PRH1: variants seen among roughly 807,000 people sequenced by gnomAD.
The protein encoded by PRH1 is proline rich protein HaeIII subfamily 1.
In PRH1, 7 loss-of-function variants were observed where a neutral mutation model predicts 7.9. The ratio of observed to expected loss-of-function variants is 0.89; its 90% CI spans 0.50 to 1.67. The LOEUF is 1.67. Ranked by LOEUF, PRH1 falls within the 40% of genes most tolerant of loss-of-function variation. PRH1 has a pLI of 0.00. For synonymous variants in PRH1, 45 were observed against 80.8 expected (o/e 0.56, Z 2.38); for missense variants, 109 against 223.6 (o/e 0.49, Z 3.27).
At chr12:11,063,278 G>C (rs1293380514) in intron 1 of PRH1, among the ~76,000 whole-genome samples, 2 of 152,070 alleles carry the variant, frequency 1.3e-5, no homozygotes, top group Non-Finnish European at 2.9e-5. Context: ...CCTGAACTTG[G>C]AGTACAACCA....
chr12:11,114,277 T>C (rs1027802968), intron 1 of PRH1, among the ~76,000 whole-genome samples: 1 of 152,026 alleles, frequency 6.6e-6, no homozygotes, highest in African/African-American at 2.4e-5. Context: ...AAATATAGAC[T>C]GTATAAAGAA....
At chr12:11,001,743 C>G (rs1045846737) in intron 1 of PRH1, among the ~76,000 whole-genome samples, 1 of 152,102 alleles carries the variant, frequency 6.6e-6, no homozygotes, top group African/African-American at 2.4e-5. Context: ...TACCTGGCAT[C>G]AGGGAGTGTT....
chr12:11,022,024 G>A (rs1363491150), intron 1 of PRH1: 6 of 1,613,844 alleles, frequency 3.7e-6, no homozygotes, highest in Non-Finnish European at 5.1e-6. Context: ...TATGAGGTTT[G>A]CTAGAGTAGT....
At chr12:11,025,740 C>T (rs1311492903) in intron 1 of PRH1, among the ~76,000 whole-genome samples, 1 of 152,282 alleles carries the variant, frequency 6.6e-6, no homozygotes, top group East Asian at 1.9e-4. Flanking sequence ...TTCTATGCTT[C>T]ATTCTGTGTA....
intron 1 of PRH1, among the ~76,000 whole-genome samples, chr12:11,069,300 A>T (rs1943958847): frequency 6.6e-6 from 1 of 152,126 alleles, no homozygotes; most frequent in Admixed American, 6.5e-5. Context: ...TGTGTGAATA[A>T]ATAATTAATA....
At chr12:11,139,686 G>A (rs561723079) in intron 1 of PRH1, among the ~76,000 whole-genome samples, 15 of 152,242 alleles carry the variant, frequency 9.9e-5, no homozygotes, top group African/African-American at 3.6e-4. Flanking sequence ...CCATTTGGAG[G>A]ACTGACAGAC....
At chr12:11,138,901 G>A (rs181240537) in intron 1 of PRH1, among the ~76,000 whole-genome samples, 3 of 152,096 alleles carry the variant, frequency 2.0e-5, no homozygotes, top group Non-Finnish European at 4.4e-5. Context: ...TTAGCAGGGC[G>A]TGGTGGTGCA....
chr12:10,962,191 G>A (rs1235325839), intron 2 of PRH1, among the ~76,000 whole-genome samples: 1 of 151,656 alleles, frequency 6.6e-6, no homozygotes, highest in East Asian at 1.9e-4. Flanking sequence ...TTTATAATAT[G>A]GCAATTAAAA....
At chr12:10,921,711 CTT>C (rs906478994) in intron 2 of PRH1, among the ~76,000 whole-genome samples, 1 of 152,012 alleles carries the variant, frequency 6.6e-6, no homozygotes, top group Non-Finnish European at 1.5e-5. Flanking sequence ...CTAACTTTTC[CTT>C]TTGCTGAGTC....
chr12:10,941,986 T>C lies in PRH1; in HGVS notation c.-59+31669A>G, dbSNP rs115714390. ...GACAGCTGAGCTGTAGTAATTGTTA[T>C]CTCTCTTCTGGATCTAGTCACCAAG... is the stretch of plus-strand genomic sequence containing the variant. On this transcript the variant is annotated intron_variant, in intron 2 of 3. Coordinates refer to the PRH1 transcript ENST00000539853. Among the ~76,000 whole-genome samples, 1,031 of 152,266 alleles carry C rather than the reference T, an allele frequency of 6.8e-3. 16 individuals are homozygous for C. Among genetic ancestry groups the C allele is most frequent in the African/African-American group, 0.024 (995 of 41,526 alleles).
chr12:11,112,860 G>T (rs1433805043), intron 1 of PRH1, among the ~76,000 whole-genome samples: 2 of 152,096 alleles, frequency 1.3e-5, no homozygotes, highest in Non-Finnish European at 2.9e-5. Context: ...AAGTCAAACT[G>T]TCTCTGTTTG....
chr12:10,929,349 T>G (rs1340595787), intron 2 of PRH1: 1 of 1,613,784 alleles, frequency 6.2e-7, no homozygotes, highest in African/African-American at 1.3e-5. Context: ...TAAGCCGAAT[T>G]GGGGGAAGAT....
chr12:11,058,269 C>T (rs966701315), intron 1 of PRH1, among the ~76,000 whole-genome samples: 1 of 152,050 alleles, frequency 6.6e-6, no homozygotes, highest in Non-Finnish European at 1.5e-5. Context: ...GTAAAATAAA[C>T]AGGAAGAGGC....
chr12:10,979,520 T>C (rs2135967028), intron 1 of PRH1, among the ~76,000 whole-genome samples: 1 of 152,300 alleles, frequency 6.6e-6, no homozygotes, highest in Middle Eastern at 3.4e-3. Flanking sequence ...AAACAGATCA[T>C]TCAAATGATT....
intron 1 of PRH1, among the ~76,000 whole-genome samples, chr12:11,008,048 G>A (rs887464657): frequency 2.6e-5 from 4 of 152,034 alleles, no homozygotes; most frequent in African/African-American, 7.2e-5. Flanking sequence ...CTGAAGCCAA[G>A]GGAAAAATAG....
At chr12:11,028,333 T>C (rs1942018768) in intron 1 of PRH1, among the ~76,000 whole-genome samples, 1 of 152,224 alleles carries the variant, frequency 6.6e-6, no homozygotes, top group African/African-American at 2.4e-5. Context: ...TTTCCCCTTG[T>C]AGCCCTTCTG....
intron 2 of PRH1, among the ~76,000 whole-genome samples, chr12:10,940,759 T>C (rs1950386462): frequency 6.6e-6 from 1 of 152,108 alleles, no homozygotes; most frequent in African/African-American, 2.4e-5. Flanking sequence ...AAAGCACCAA[T>C]GAAACAAATT....
chr12:11,067,110 T>C (rs1251105181), intron 1 of PRH1, among the ~76,000 whole-genome samples: 1 of 152,150 alleles, frequency 6.6e-6, no homozygotes, highest in Non-Finnish European at 1.5e-5. Context: ...ATCATTTTAC[T>C]ATAGCAGTGA....
At chr12:11,033,780 T>C (rs958789966) in intron 1 of PRH1, among the ~76,000 whole-genome samples, 25 of 152,164 alleles carry the variant, frequency 1.6e-4, no homozygotes, top group African/African-American at 2.9e-4. Context: ...CGAGTAATAA[T>C]AATTTCTATG....
Sources: allele counts gnomAD v4.1 joint callset (sites outside exome capture counted in the v4.1 genomes callset), GRCh38; gene constraint gnomAD v4.1.1; transcripts MANE v1.5; gene names NCBI Gene and HGNC (gene_info 2026-07-23, HGNC 2026-07-21).